The following CAMK1D variants were observed in gnomAD, a reference collection of about 807,000 sequenced individuals.
CAMK1D encodes the protein calcium/calmodulin-dependent protein kinase type 1D.
A neutral mutation model predicts 47.7 loss-of-function variants in CAMK1D; 9 were observed. The observed-to-expected ratio is 0.19, with a 90% CI of 0.11 to 0.33. CAMK1D has a LOEUF of 0.33. CAMK1D is among the 10% of genes least tolerant of loss of function. The pLI, the probability that CAMK1D is intolerant of heterozygous loss-of-function variation, is 1.00. For missense variants in CAMK1D, 291 were observed against 488.7 expected, an observed-to-expected ratio of 0.60 and a Z score of 3.81; for synonymous variants, 184 against 184.9, an observed-to-expected ratio of 0.99 and a Z score of 0.04.
chr10:12,730,324 C>T (rs1834833830), intron 3 of CAMK1D, among the ~76,000 whole-genome samples: 1 of 152,088 alleles, frequency 6.6e-6, no homozygotes, highest in Non-Finnish European at 1.5e-5. Context: ...CCCAAAGCAC[C>T]TGAAAGATGG....
In CAMK1D at chr10:12,829,843, C is replaced by T. The variant is rs894447839; in HGVS notation, c.*956C>T. ...CTCTCCCCTTCCCCAGGAGGAGGGG[C>T]CCCTCAGTTCTGCGAGGCTCTCTTC... On this transcript the variant is annotated 3_prime_UTR_variant, in exon 11 of 11. Coordinates refer to ENST00000619168, the MANE Select transcript of CAMK1D (RefSeq NM_153498.4). 6 of 152,280 alleles carry T rather than the reference C, an allele frequency of 3.9e-5. No homozygotes were observed. Among genetic ancestry groups the T allele is most frequent in the Non-Finnish European group, 8.8e-5 (6 of 68,144 alleles). 9.4% of individuals were successfully genotyped at this position (152,280 alleles called of 1,614,324 possible). A position where few individuals can be genotyped will look rare whatever the true frequency, so the allele number is the denominator to read the frequency against.
At chr10:12,669,478 TA>T (rs1024870751) in intron 3 of CAMK1D, among the ~76,000 whole-genome samples, 1 of 152,198 alleles carries the variant, frequency 6.6e-6, no homozygotes, top group Non-Finnish European at 1.5e-5. Flanking sequence ...TATGCTAATT[TA>T]AAAAATGTTA....
chr10:12,637,538 G>T (rs1282569047), intron 2 of CAMK1D, among the ~76,000 whole-genome samples: 1 of 148,766 alleles, frequency 6.7e-6, no homozygotes, highest in East Asian at 2.0e-4. Flanking sequence ...GAGGCAGGTT[G>T]CAGAAATGCC....
intron 3 of CAMK1D, among the ~76,000 whole-genome samples, chr10:12,703,446 T>G (rs1023566880): frequency 8.5e-5 from 13 of 152,226 alleles, no homozygotes; most frequent in Non-Finnish European, 1.9e-4. Flanking sequence ...TGGCTCCTGG[T>G]GAACTAGGTC....
chr10:12,363,822 C>A (rs775180018), intron 1 of CAMK1D, among the ~76,000 whole-genome samples: 40 of 152,032 alleles, frequency 2.6e-4, no homozygotes, highest in Non-Finnish European at 4.7e-4. Flanking sequence ...GTGTGTGCCA[C>A]CACACCTGGC....
intron 3 of CAMK1D, among the ~76,000 whole-genome samples, chr10:12,722,237 A>G (rs1403872000): frequency 5.3e-5 from 8 of 152,032 alleles, no homozygotes; most frequent in Non-Finnish European, 1.0e-4. Context: ...AAGTCTGGAG[A>G]TCGAGACCAT....
chr10:12,670,581 C>G (rs1306492049), intron 3 of CAMK1D, among the ~76,000 whole-genome samples: 1 of 151,582 alleles, frequency 6.6e-6, no homozygotes, highest in Non-Finnish European at 1.5e-5. Context: ...CGGATTCTCA[C>G]TCTTTTGCCC....
chr10:12,710,379 G>A (rs1463694316), intron 3 of CAMK1D, among the ~76,000 whole-genome samples: 4 of 152,090 alleles, frequency 2.6e-5, no homozygotes, highest in Non-Finnish European at 5.9e-5. Flanking sequence ...CATTCATTCC[G>A]TACATGTTTA....
intron 2 of CAMK1D, among the ~76,000 whole-genome samples, chr10:12,640,361 A>G (rs1839632331): frequency 6.6e-6 from 1 of 152,134 alleles, no homozygotes; most frequent in Admixed American, 6.5e-5. Flanking sequence ...TTAATGAACC[A>G]TGTCTGTGCC....
chr10:12,510,093 C>T (rs1834995497), intron 1 of CAMK1D, among the ~76,000 whole-genome samples: 1 of 152,200 alleles, frequency 6.6e-6, no homozygotes, highest in Non-Finnish European at 1.5e-5. Flanking sequence ...TGAATGTGCC[C>T]TGTGGGCCCT....
intron 8 of CAMK1D, among the ~76,000 whole-genome samples, chr10:12,823,119 C>T (rs1289468468): frequency 3.3e-5 from 5 of 152,160 alleles, no homozygotes; most frequent in Non-Finnish European, 7.3e-5. Flanking sequence ...CTGGTATTCT[C>T]TCTTGTCTGA....
Position 12,637,183 on chromosome 10 carries a change from G to C in CAMK1D, c.225-29553G>C, listed in dbSNP as rs570680240. On this transcript the variant is annotated intron_variant, in intron 2 of 10. Transcript: ENST00000619168. ...GACGGGGTTTCACCATGTTGGCCAG[G>C]CTGATCTTGAACTCCTTGCCTCATG... 2.6e-5 allele frequency among the ~76,000 whole-genome samples: 4 copies of C among 152,146 alleles called. No individual in the cohort carries two copies. In the South Asian group the frequency reaches 6.2e-4, roughly 24 times the overall value.
chr10:12,484,652 T>C (rs932967900), intron 1 of CAMK1D, among the ~76,000 whole-genome samples: 1 of 152,074 alleles, frequency 6.6e-6, no homozygotes, highest in Non-Finnish European at 1.5e-5. Flanking sequence ...CACTCAGCAG[T>C]GGAAGCGATG....
chr10:12,462,278 G>A (rs1833456224), intron 1 of CAMK1D, among the ~76,000 whole-genome samples: 1 of 146,266 alleles, frequency 6.8e-6, no homozygotes, highest in African/African-American at 2.5e-5. Flanking sequence ...CAATTCTCCT[G>A]CCTTAGCCTC....
intron 2 of CAMK1D, among the ~76,000 whole-genome samples, chr10:12,656,522 A>G (rs1480878461): frequency 1.3e-5 from 2 of 152,182 alleles, no homozygotes; most frequent in East Asian, 3.9e-4. Flanking sequence ...AAAAACCGCC[A>G]TTTGTGCACA....
chr10:12,356,721 C>T (rs1375547893), intron 1 of CAMK1D, among the ~76,000 whole-genome samples: 11 of 74,922 alleles, frequency 1.5e-4, no homozygotes, highest in East Asian at 3.3e-4. Flanking sequence ...GACTCCATTT[C>T]AAAAAAAAAA....
At chr10:12,416,743 C>T (rs892956268) in intron 1 of CAMK1D, among the ~76,000 whole-genome samples, 1 of 152,220 alleles carries the variant, frequency 6.6e-6, no homozygotes, top group Non-Finnish European at 1.5e-5. Flanking sequence ...TGTCAGTTTC[C>T]AGCAAGAGTG....
intron 5 of CAMK1D, among the ~76,000 whole-genome samples, chr10:12,774,227 A>G (rs1166343376): frequency 6.6e-6 from 1 of 152,182 alleles, no homozygotes; most frequent in Non-Finnish European, 1.5e-5. Flanking sequence ...CTATGGAGAA[A>G]AATGAAGCAG....
At chr10:12,701,617 C>T (rs886968672) in intron 3 of CAMK1D, among the ~76,000 whole-genome samples, 40 of 152,316 alleles carry the variant, frequency 2.6e-4, no homozygotes, top group Non-Finnish European at 4.0e-4. Flanking sequence ...AGGCTTTCTA[C>T]ATCAAAATGT....
Sources: allele counts gnomAD v4.1 joint callset (sites outside exome capture counted in the v4.1 genomes callset), GRCh38; gene constraint gnomAD v4.1.1; transcripts MANE v1.5; gene names NCBI Gene and HGNC (gene_info 2026-07-23, HGNC 2026-07-21).